CFAP99: variants seen among roughly 807,000 people sequenced by gnomAD.
CFAP99 encodes cilia- and flagella-associated protein 99.
Under a neutral mutation model 82.7 loss-of-function variants are expected in CFAP99, and 84 were observed. The observed-to-expected ratio is 1.02, with a 90% confidence interval of 0.85 to 1.22. The LOEUF is 1.22. Among genes scored for constraint, CFAP99 ranks in the 50% most tolerant of loss-of-function variants. CFAP99 has a pLI of 0.00. For missense variants in CFAP99, 1,059 were observed against 983.5 expected (o/e 1.08, Z -1.03); for synonymous variants, 456 against 429.5 (o/e 1.06, Z -0.76).
At chr4:2,458,959 C>T in intron 12 of CFAP99, 95 bp downstream of exon 12, 2 of 1,465,966 alleles carry the variant, frequency 1.4e-6, no homozygotes, top group Non-Finnish European at 9.0e-7. Context: ...TATGGCTGTC[C>T]AGGGTCAGGG....
chr4:2,452,022 G>C (rs753243922), intron 10 of CFAP99, 120 bp from the exon 11 acceptor site: 2 of 977,710 alleles, frequency 2.0e-6, no homozygotes, highest in Non-Finnish European at 3.1e-6. Flanking sequence ...CACGCAGCTG[G>C]GTGTCAGGAG....
In CFAP99 at chr4:2,448,939, A is replaced by G. The variant is rs1295437708; in HGVS notation, c.643-731A>G. Among the ~76,000 whole-genome samples, 2 of 152,164 alleles carry G rather than the reference A, an allele frequency of 1.3e-5. No individual in the cohort carries two copies. Among genetic ancestry groups the G allele is most frequent in the Non-Finnish European group, 2.9e-5 (2 of 68,006 alleles). ...TGTGGGTGTGAGAGACAGAGGTGAC[A>G]AGGAGGACTCTGAGGCATGGGTGAG... On this transcript the variant is annotated intron_variant, in intron 6 of 14. Coordinates refer to ENST00000635017, the Ensembl canonical transcript of CFAP99. The surrounding 1 kb of genome is among the most constrained non-coding windows in gnomAD (Gnocchi z 5.2).
Position 2,439,579 on chromosome 4 carries a change from C to A in CFAP99, c.351+1415C>A, listed in dbSNP as rs990621904. Among the ~76,000 whole-genome samples the A allele has an allele frequency of 3.3e-5, 5 of 152,154 alleles. No individual in the cohort carries two copies. In the East Asian group the frequency reaches 9.6e-4, roughly 29 times the overall value. The stretch of plus-strand genomic sequence containing the variant: ...GGTGAAGGGAGGGAGAGTGCAGCCC[C>A]GAGCCAGCACTGTACACATCAATGA... On this transcript the variant is annotated intron_variant, in intron 4 of 14. Transcript: ENST00000635017.
At chr4:2,452,295 G>C (rs1372752991) in exon 11 of CFAP99, 2 of 1,535,532 alleles carry the variant, frequency 1.3e-6, no homozygotes, top group African/African-American at 2.7e-5. Flanking sequence ...TCCTAGCCCG[G>C]CAGAGCCTCA....
rs1734453479 is a variant in CFAP99 at position 2,457,030 on chromosome 4, G to A, written c.1162-1693G>A. 7.8e-5 allele frequency among the ~76,000 whole-genome samples: 11 copies of A among 141,410 alleles called. No individual in the cohort carries two copies. In the South Asian group the frequency reaches 2.2e-3, roughly 29 times the overall value. 92.8% of individuals were successfully genotyped at this position (141,410 alleles called of 152,430 possible). Reference sequence around the variant, plus strand: ...TGCAGTGGCACAATCATGGCTCCCTGCAACCTCAAACTCCTGGACTCAAAT... The same window carrying A: ...TGCAGTGGCACAATCATGGCTCCCTACAACCTCAAACTCCTGGACTCAAAT... On this transcript the variant is annotated intron_variant, in intron 11 of 14. Transcript: ENST00000635017.
intron 2 of CFAP99, among the ~76,000 whole-genome samples, chr4:2,436,514 G>A (rs1388326280): frequency 1.3e-5 from 2 of 152,194 alleles, no homozygotes; most frequent in Non-Finnish European, 1.5e-5. Flanking sequence ...CTGAAGCTCT[G>A]TCTGCATTAG....
At chr4:2,440,710 A>G (rs2108723239) in intron 4 of CFAP99, among the ~76,000 whole-genome samples, 1 of 151,804 alleles carries the variant, frequency 6.6e-6, no homozygotes, top group East Asian at 2.0e-4. Flanking sequence ...CTCCTGCCTC[A>G]GCCTCCCGAG....
In CFAP99 at chr4:2,462,309, G is replaced by T; in HGVS notation, c.1662-134G>T. 1 of 910,354 alleles carries T rather than the reference G, an allele frequency of 1.1e-6. No homozygotes were observed. The highest frequency in any genetic ancestry group is 1.5e-6 in the Non-Finnish European group (1 of 657,970). 56.4% of individuals were successfully genotyped at this position (910,354 alleles called of 1,614,324 possible). On this transcript the variant is annotated intron_variant, in intron 14 of 14. Transcript: ENST00000635017. This position sits in a 1 kb window ranked among gnomAD's most constrained non-coding sequence, Gnocchi z 4.1. ...CCGCGGCCCCTGGGCCTCGCTGTCT[G>T]TCCTAAATCATTCCGGTGAACCTCT...
At position 2,432,910 on chromosome 4, in the gene CFAP99, C is replaced by T. The variant is rs569112693; in HGVS notation, c.112-3964C>T. ...GGAGAGAGAACCCACCCGGCCTAGG[C>T]CCATCTCTGCTGGCCTGGTCAGAAG... On this transcript the variant is annotated intron_variant, in intron 2 of 14. Transcript: ENST00000635017. 5.0e-4 allele frequency among the ~76,000 whole-genome samples: 76 copies of T among 152,352 alleles called. 1 individual carries two copies. The highest frequency in any genetic ancestry group is 1.7e-3 in the African/African-American group (72 of 41,596).
intron 5 of CFAP99, among the ~76,000 whole-genome samples, chr4:2,444,253 G>A (rs780606054): frequency 8.0e-4 from 122 of 152,324 alleles, no homozygotes; most frequent in Non-Finnish European, 1.2e-3. Flanking sequence ...GCCTGGGCCT[G>A]CAGGGTTGCC....
chr4:2,432,956 A>C (rs1733827552), intron 2 of CFAP99, among the ~76,000 whole-genome samples: 1 of 152,020 alleles, frequency 6.6e-6, no homozygotes, highest in South Asian at 2.1e-4. Context: ...AGCACCCCTG[A>C]GGCATGTGTC....
rs1578456316 is a variant in CFAP99, at chr4:2,419,113, G to T, written c.-18+20G>T. On this transcript the variant is annotated intron_variant, in intron 1 of 14. Coordinates refer to ENST00000635017, the Ensembl canonical transcript of CFAP99. ...CGCCAGGTACGGGGGCGGGACAGGT[G>T]CGGGGCGACGCGCCGCCGATTTTCA... The T allele has an allele frequency of 6.6e-6, 1 of 152,292 alleles. No homozygotes were observed. The highest frequency in any genetic ancestry group is 2.1e-4 in the South Asian group (1 of 4,822). The allele number at this position is 152,292 out of a possible 1,614,324, so 9.4% of individuals were successfully genotyped here. A position where few individuals can be genotyped will look rare whatever the true frequency, so the allele number is the denominator to read the frequency against.
chr4:2,437,198 C>A (rs1220657366), intron 3 of CFAP99, among the ~76,000 whole-genome samples, 180 bp downstream of exon 3: 1 of 152,230 alleles, frequency 6.6e-6, no homozygotes, highest in African/African-American at 2.4e-5. Context: ...CAGGACCTTG[C>A]AGATGGGAAA....
intron 14 of CFAP99, among the ~76,000 whole-genome samples, chr4:2,460,663 G>A (rs1297277593): frequency 6.6e-6 from 1 of 152,194 alleles, no homozygotes; most frequent in East Asian, 1.9e-4. Context: ...AATAGAAAAT[G>A]GAACAAAAAT....
intron 11 of CFAP99, 45 bp downstream of exon 11, chr4:2,452,391 C>T (rs1379300424): frequency 2.6e-6 from 4 of 1,518,960 alleles, no homozygotes; most frequent in Non-Finnish European, 2.6e-6. Flanking sequence ...GCCAGCTGAA[C>T]TGTGTGCCCA....
intron 1 of CFAP99, among the ~76,000 whole-genome samples, chr4:2,419,608 C>T (rs1733502449): frequency 6.6e-6 from 1 of 152,160 alleles, no homozygotes; most frequent in African/African-American, 2.4e-5. Context: ...AGTCATGCCC[C>T]CCTCGGTTCA....
chr4:2,433,367 T>C (rs1255550381), intron 2 of CFAP99, among the ~76,000 whole-genome samples: 1 of 151,130 alleles, frequency 6.6e-6, no homozygotes, highest in East Asian at 1.9e-4. Context: ...CTCACTGCTC[T>C]CGGAAGGGTC....
Position 2,452,386 on chromosome 4 carries a change from C to T in CFAP99, c.1161+40C>T, listed in dbSNP as rs549538331. 110 of 1,521,138 alleles carry T rather than the reference C, an allele frequency of 7.2e-5. 7 individuals carry two copies. In the South Asian group the frequency reaches 1.3e-3, roughly 18 times the overall value. The allele number at this position is 1,521,138 out of a possible 1,614,324, so 94.2% of individuals were successfully genotyped here. ...GGGCAGCTGGGCATGGGGCAGCCAG[C>T]TGAACTGTGTGCCCACCGGGAGCTG... On this transcript the variant is annotated intron_variant, in intron 11 of 14. Coordinates refer to ENST00000635017, the Ensembl canonical transcript of CFAP99.
Position 2,462,435 on chromosome 4 carries a change from C to T in CFAP99, c.1662-8C>T, listed in dbSNP as rs1002997286. 7.0e-7 allele frequency: 1 copy of T among 1,428,102 alleles called. No homozygotes were observed. The highest frequency in any genetic ancestry group is 9.1e-7 in the Non-Finnish European group (1 of 1,104,034). The allele number at this position is 1,428,102 out of a possible 1,614,324, so 88.5% of individuals were successfully genotyped here. A position where few individuals can be genotyped will look rare whatever the true frequency, so the allele number is the denominator to read the frequency against. On this transcript the variant is annotated splice_polypyrimidine_tract_variant and splice_region_variant and intron_variant, in intron 14 of 14. Transcript: ENST00000635017. This position sits in a 1 kb window ranked among gnomAD's most constrained non-coding sequence, Gnocchi z 4.1. ...GCCTGCTCCTGAGCCCGCCGCGTCGCCCGCCAGGTGGGAGGAAAAGAAGGC... is the reference window on the plus strand; with the variant it reads ...GCCTGCTCCTGAGCCCGCCGCGTCGTCCGCCAGGTGGGAGGAAAAGAAGGC...
Sources: allele counts gnomAD v4.1 joint callset (sites outside exome capture counted in the v4.1 genomes callset), GRCh38; gene constraint gnomAD v4.1.1; non-coding constraint Gnocchi (gnomAD v3.1); transcripts MANE v1.5; gene names NCBI Gene and HGNC (gene_info 2026-07-23, HGNC 2026-07-21).